FAM162A: variants seen among roughly 807,000 people sequenced by gnomAD.
The protein encoded by FAM162A is protein FAM162A.
A neutral mutation model predicts 21.8 loss-of-function variants in FAM162A; 23 were observed. The ratio of observed to expected loss-of-function variants is 1.05; its 90% CI spans 0.76 to 1.49. FAM162A has a LOEUF of 1.49. FAM162A is among the 40% of genes most tolerant of loss of function. The probability of loss-of-function intolerance (pLI) is 0.00; values close to 1 mark genes in which losing one functional copy is unlikely to be tolerated. For missense variants in FAM162A, 165 were observed against 186.4 expected (o/e 0.89, Z 0.67); for synonymous variants, 53 against 61.3 (o/e 0.86, Z 0.64).
chr3:122,404,219 C>G, intron 2 of FAM162A, 39 bp from the exon 3 acceptor site: 4 of 1,031,524 alleles, frequency 3.9e-6, no homozygotes, highest in Non-Finnish European at 5.7e-6. Flanking sequence ...GAGTTATAAT[C>G]TCAAACACAT....
intron 4 of FAM162A, 48 bp from the exon 5 acceptor site, chr3:122,409,691 T>G (rs758346965): frequency 1.3e-6 from 2 of 1,551,290 alleles, no homozygotes; most frequent in Admixed American, 1.7e-5. Flanking sequence ...AAAGACACCC[T>G]CCCCTGACCA....
chr3:122,384,213 G>T lies in FAM162A; in HGVS notation c.-53G>T. The stretch of plus-strand genomic sequence containing the variant: ...ACGCTGGGTGACATTGAGCTCACCA[G>T]CGCCACCGTCCCCGGCGAAGTTCTG... On this transcript the variant is annotated 5_prime_UTR_variant, in exon 1 of 5. Coordinates refer to ENST00000477892, the MANE Select transcript of FAM162A (RefSeq NM_014367.4). 6.4e-7 allele frequency: 1 copy of T among 1,551,632 alleles called. No individual in the cohort carries two copies. Among genetic ancestry groups the T allele is most frequent in the Non-Finnish European group, 8.7e-7 (1 of 1,147,800 alleles).
rs2075667074 is a variant in FAM162A at position 122,404,293 on chromosome 3, G to C, written c.193G>C (p.Asp65His). ...YNRVPLHKPT[D>H]WQKKILIWSG... ...CAGAGTGCCTTTACACAAACCTACGGATTGGCAGAAAAAGATCCTCATATG... is the reference window on the plus strand; with the variant it reads ...CAGAGTGCCTTTACACAAACCTACGCATTGGCAGAAAAAGATCCTCATATG... The change falls in exon 3 of 5, where the codon GAT (aspartate) becomes CAT (histidine). Residue 65 changes from aspartate to histidine, a missense_variant. Physicochemically the swap from Asp to His is moderately conservative, Grantham distance 81. Coordinates refer to ENST00000477892, the MANE Select transcript of FAM162A (RefSeq NM_014367.4). 1.9e-6 allele frequency: 3 copies of C among 1,608,842 alleles called. No individual in the cohort carries two copies. The highest frequency in any genetic ancestry group is 1.7e-6 in the Non-Finnish European group (2 of 1,177,676).
At chr3:122,398,021 G>A (rs1382659675) in intron 1 of FAM162A, among the ~76,000 whole-genome samples, 2 of 152,148 alleles carry the variant, frequency 1.3e-5, no homozygotes, top group Non-Finnish European at 2.9e-5. Flanking sequence ...AAGGACTCGG[G>A]AGCCAACTTA....
chr3:122,407,289 T>G lies in FAM162A; in HGVS notation c.272T>G (p.Met91Arg). Residue 91 changes from methionine to arginine, a missense_variant, in exon 4 of 5, where the codon ATG becomes AGG. Transcript: ENST00000477892. Reference sequence around the variant, plus strand: ...TCTCATTGTATTACTAGGTTGGAGATGCTTGATGCTGCAAAGAACAAGATG... The same window carrying G: ...TCTCATTGTATTACTAGGTTGGAGAGGCTTGATGCTGCAAAGAACAAGATG... ...DEIPETVSLE[M>R]LDAAKNKMRV... 6.2e-7 allele frequency: 1 copy of G among 1,613,882 alleles called. No homozygotes were observed. The highest frequency in any genetic ancestry group is 8.5e-7 in the Non-Finnish European group (1 of 1,179,860).
rs981566632 is a variant in FAM162A, at chr3:122,411,651, T to A, written c.*1820T>A. On this transcript the variant is annotated 3_prime_UTR_variant, in exon 5 of 5. Transcript: ENST00000477892. Reference sequence around the variant, plus strand: ...TCACTGCAACCTCCGTCTCCCGGGTTCAAGCAATTCTCGTGCCTCAGCCTC... The same window carrying A: ...TCACTGCAACCTCCGTCTCCCGGGTACAAGCAATTCTCGTGCCTCAGCCTC... 6.6e-6 allele frequency: 1 copy of A among 152,024 alleles called. No individual in the cohort carries two copies. The highest frequency in any genetic ancestry group is 2.4e-5 in the African/African-American group (1 of 41,338). 9.4% of individuals were successfully genotyped at this position (152,024 alleles called of 1,614,324 possible).
Position 122,384,210 on chromosome 3 carries a change from C to G in FAM162A, c.-56C>G. The G allele has an allele frequency of 3.9e-6, 6 of 1,550,584 alleles. No individual in the cohort carries two copies. The highest frequency in any genetic ancestry group is 1.2e-5 in the South Asian group (1 of 84,020). On this transcript the variant is annotated 5_prime_UTR_variant, in exon 1 of 5. Transcript: ENST00000477892. Reference sequence around the variant, plus strand: ...CCAACGCTGGGTGACATTGAGCTCACCAGCGCCACCGTCCCCGGCGAAGTT... The same window carrying G: ...CCAACGCTGGGTGACATTGAGCTCAGCAGCGCCACCGTCCCCGGCGAAGTT...
rs142985371 is a variant in FAM162A, at chr3:122,409,884, G to A, written c.*53G>A. The A allele has an allele frequency of 3.2e-4, 473 of 1,481,972 alleles. No individual in the cohort carries two copies. The highest frequency in any genetic ancestry group is 3.0e-3 in the African/African-American group (220 of 72,238). 91.8% of individuals were successfully genotyped at this position (1,481,972 alleles called of 1,614,324 possible). On this transcript the variant is annotated 3_prime_UTR_variant, in exon 5 of 5. Coordinates refer to ENST00000477892, the MANE Select transcript of FAM162A (RefSeq NM_014367.4). ...GAAAATCCAGGAATTATGTTATAAC[G>A]TGCCTGTATTAAAAAGGATGTGGTA...
chr3:122,404,402 C>A, intron 3 of FAM162A, 39 bp downstream of exon 3: 2 of 1,120,016 alleles, frequency 1.8e-6, no homozygotes, highest in Non-Finnish European at 2.6e-6. Context: ...GCTTTCATTT[C>A]TCACTGATCT....
chr3:122,392,352 G>C (rs1312836886), intron 1 of FAM162A, among the ~76,000 whole-genome samples: 1 of 152,194 alleles, frequency 6.6e-6, no homozygotes, highest in Non-Finnish European at 1.5e-5. Flanking sequence ...GGGCCTTGTA[G>C]GTCACATTAA....
intron 1 of FAM162A, among the ~76,000 whole-genome samples, chr3:122,399,842 G>T (rs1010937267): frequency 1.3e-5 from 2 of 152,142 alleles, no homozygotes; most frequent in Admixed American, 1.3e-4. Context: ...GGTGGCTCAT[G>T]CCTGTAATCC....
chr3:122,393,981 C>T (rs192548161), intron 1 of FAM162A, among the ~76,000 whole-genome samples: 1 of 152,252 alleles, frequency 6.6e-6, no homozygotes, highest in Non-Finnish European at 1.5e-5. Flanking sequence ...GTTCATCGTT[C>T]TTCAGGCTGT....
At position 122,402,802 on chromosome 3, in the gene FAM162A, T is replaced by C; in HGVS notation, c.77T>C (p.Leu26Pro). 6.2e-7 allele frequency: 1 copy of C among 1,602,612 alleles called. No homozygotes were observed. The change falls in exon 2 of 5, where the codon CTA becomes CCA. Residue 26 changes from leucine (L) to proline (P), a missense_variant. Leu to Pro is a moderately conservative substitution (Grantham distance 98). Coordinates refer to ENST00000477892, the MANE Select transcript of FAM162A (RefSeq NM_014367.4). Reference sequence around the variant, plus strand: ...TGTGAAAGAGATGTTTCCTCATCTCTAAGGCTTACCAGAAGCTCTGATTTG... The same window carrying C: ...TGTGAAAGAGATGTTTCCTCATCTCCAAGGCTTACCAGAAGCTCTGATTTG... Reference protein sequence around the residue: ...RLCERDVSSSLRLTRSSDLKR... With the variant: ...RLCERDVSSSPRLTRSSDLKR...
intron 3 of FAM162A, 86 bp from the exon 4 acceptor site, chr3:122,407,195 T>C (rs553459584): frequency 9.2e-6 from 10 of 1,081,960 alleles, no homozygotes; most frequent in Admixed American, 4.6e-5. Flanking sequence ...TACTACATTT[T>C]GAATTTATAC....
intron 1 of FAM162A, among the ~76,000 whole-genome samples, chr3:122,388,647 AC>A (rs1486221394): frequency 6.6e-6 from 1 of 152,198 alleles, no homozygotes; most frequent in Non-Finnish European, 1.5e-5. Context: ...ATTTGGTGGT[AC>A]AATGTAAGGA....
chr3:122,386,450 G>T lies in FAM162A; in HGVS notation c.34+2151G>T, dbSNP rs141643394. 2.7e-3 allele frequency among the ~76,000 whole-genome samples: 405 copies of T among 152,056 alleles called. 2 individuals are homozygous for T. The highest frequency in any genetic ancestry group is 9.4e-3 in the African/African-American group (391 of 41,484). On this transcript the variant is annotated intron_variant, in intron 1 of 4. Coordinates refer to ENST00000477892, the MANE Select transcript of FAM162A (RefSeq NM_014367.4). Reference sequence around the variant, plus strand: ...AACCCATAGTCTCAGCTACTCAGGAGGCTGAGGCAAGAGGATCACTTGAGC... The same window carrying T: ...AACCCATAGTCTCAGCTACTCAGGATGCTGAGGCAAGAGGATCACTTGAGC...
At position 122,411,842 on chromosome 3, in the gene FAM162A, A is replaced by G. The variant is rs984310852; in HGVS notation, c.*2011A>G. ...AGTGCTGGGATTACAGGCATGAGCC[A>G]TGGTGCCTGGCCAAACGTTTTTATT... On this transcript the variant is annotated 3_prime_UTR_variant, in exon 5 of 5. Coordinates refer to ENST00000477892, the MANE Select transcript of FAM162A (RefSeq NM_014367.4). 6.6e-6 allele frequency: 1 copy of G among 152,246 alleles called. No homozygotes were observed. Among genetic ancestry groups the G allele is most frequent in the Non-Finnish European group, 1.5e-5 (1 of 68,054 alleles). The allele number at this position is 152,246 out of a possible 1,614,324, so 9.4% of individuals were successfully genotyped here.
intron 2 of FAM162A, among the ~76,000 whole-genome samples, 180 bp from the exon 3 acceptor site, chr3:122,404,078 C>T (rs974385832): frequency 1.3e-5 from 2 of 152,132 alleles, no homozygotes; most frequent in African/African-American, 4.8e-5. Flanking sequence ...ATTTTATAAT[C>T]TTATTTGGAA....
chr3:122,389,481 C>T (rs1367509096), intron 1 of FAM162A, among the ~76,000 whole-genome samples: 2 of 136,322 alleles, frequency 1.5e-5, no homozygotes, highest in Non-Finnish European at 3.4e-5. Flanking sequence ...CCCTTTTACC[C>T]TTCACTTCCA....
Sources: allele counts gnomAD v4.1 joint callset (sites outside exome capture counted in the v4.1 genomes callset), GRCh38; gene constraint gnomAD v4.1.1; transcripts MANE v1.5; gene names NCBI Gene and HGNC (gene_info 2026-07-23, HGNC 2026-07-21).